PPP2R2B: variants seen among roughly 807,000 people sequenced by gnomAD.
The protein encoded by PPP2R2B is serine/threonine-protein phosphatase 2A 55 kDa regulatory subunit B beta isoform.
Under a neutral mutation model 46.0 loss-of-function variants are expected in PPP2R2B, and 5 were observed. The ratio of observed to expected loss-of-function variants is 0.11; its 90% CI spans 0.06 to 0.23. The LOEUF is 0.23. Ranked by LOEUF, PPP2R2B falls within the 10% of genes least tolerant of loss-of-function variation. The pLI is 1.00. For missense variants in PPP2R2B, 367 were observed against 575.0 expected (o/e 0.64, Z 3.70); for synonymous variants, 215 against 206.7 (o/e 1.04, Z -0.34).
chr5:146,920,991 T>G (rs189740420), intron 1 of PPP2R2B, among the ~76,000 whole-genome samples: 3 of 152,242 alleles, frequency 2.0e-5, no homozygotes, highest in Admixed American at 1.3e-4. Context: ...CATTTCTGCC[T>G]GGGCAGACCA....
chr5:146,695,681 T>C (rs901650883), intron 4 of PPP2R2B, among the ~76,000 whole-genome samples: 4 of 152,188 alleles, frequency 2.6e-5, no homozygotes, highest in African/African-American at 9.7e-5. Context: ...AAGGAACATG[T>C]GGCTGTTAAT....
intron 3 of PPP2R2B, among the ~76,000 whole-genome samples, 173 bp from the exon 4 acceptor site, chr5:146,698,317 A>AAATAT (rs1250416449): frequency 1.1e-4 from 9 of 85,650 alleles, no homozygotes; most frequent in Non-Finnish European, 1.4e-4. Context: ...AAAAAAAAAA[A>AAATAT]ATATATATAT....
chr5:146,942,928 G>A (rs908009885), intron 1 of PPP2R2B, among the ~76,000 whole-genome samples: 6 of 151,928 alleles, frequency 3.9e-5, no homozygotes, highest in African/African-American at 1.5e-4. Flanking sequence ...CTCCCGAGTA[G>A]CTGGGACTAC....
At chr5:146,809,880 T>C (rs1445566411) in intron 2 of PPP2R2B, among the ~76,000 whole-genome samples, 1 of 152,058 alleles carries the variant, frequency 6.6e-6, no homozygotes, top group African/African-American at 2.4e-5. Flanking sequence ...AGGTGGGAAA[T>C]GGCAGTGGCT....
intron 2 of PPP2R2B, among the ~76,000 whole-genome samples, chr5:146,777,950 A>G (rs182675840): frequency 1.4e-3 from 217 of 152,316 alleles, no homozygotes; most frequent in Non-Finnish European, 2.0e-3. Flanking sequence ...AAAAAATTGT[A>G]TGGTAGCCCA....
At chr5:146,595,606 T>C (rs888789648) in intron 8 of PPP2R2B, among the ~76,000 whole-genome samples, 1 of 152,188 alleles carries the variant, frequency 6.6e-6, no homozygotes. Flanking sequence ...AGCTCCTATC[T>C]GCCTCCAATT....
intron 8 of PPP2R2B, among the ~76,000 whole-genome samples, chr5:146,593,732 T>G (rs1251757446): frequency 1.3e-5 from 2 of 152,080 alleles, no homozygotes; most frequent in Non-Finnish European, 2.9e-5. Flanking sequence ...CATAAAGGCC[T>G]AGAGGCAGGA....
intron 7 of PPP2R2B, among the ~76,000 whole-genome samples, chr5:146,602,893 G>A (rs1486962551): frequency 6.6e-6 from 1 of 152,122 alleles, no homozygotes; most frequent in Non-Finnish European, 1.5e-5. Flanking sequence ...TCATAGTTGA[G>A]AACTAGATAG....
chr5:146,804,596 T>G (rs1374371712), intron 2 of PPP2R2B, among the ~76,000 whole-genome samples: 4 of 152,122 alleles, frequency 2.6e-5, no homozygotes, highest in Non-Finnish European at 5.9e-5. Context: ...ACTCTTCTGA[T>G]GTTGTTTAGA....
chr5:146,960,199 G>A (rs1752105618), intron 1 of PPP2R2B, among the ~76,000 whole-genome samples: 1 of 152,118 alleles, frequency 6.6e-6, no homozygotes, highest in Non-Finnish European at 1.5e-5. Context: ...TGGCTCTATT[G>A]AGAGTATCCA....
intron 1 of PPP2R2B, among the ~76,000 whole-genome samples, chr5:146,888,250 C>T (rs548627467): frequency 6.6e-6 from 1 of 152,270 alleles, no homozygotes; most frequent in East Asian, 1.9e-4. Flanking sequence ...AGCAATATCA[C>T]CAGCAGCCAA....
chr5:146,661,350 A>G (rs1012474117), intron 5 of PPP2R2B, among the ~76,000 whole-genome samples: 3 of 152,230 alleles, frequency 2.0e-5, no homozygotes, highest in African/African-American at 7.2e-5. Context: ...GGGTGCATAG[A>G]AGAAACCAAG....
intron 1 of PPP2R2B, chr5:146,918,014 C>T (rs1384381004): frequency 6.6e-6 from 1 of 152,196 alleles, no homozygotes; most frequent in Admixed American, 6.6e-5. Flanking sequence ...GTAAGATGCC[C>T]CCTCACACTC....
chr5:146,673,494 A>G, intron 5 of PPP2R2B, among the ~76,000 whole-genome samples: 1 of 147,108 alleles, frequency 6.8e-6, no homozygotes, highest in African/African-American at 2.5e-5. Flanking sequence ...TTTTTTTTTT[A>G]TTGCTACTAG....
At chr5:146,891,390 G>C (rs1210395650) in intron 1 of PPP2R2B, among the ~76,000 whole-genome samples, 1 of 152,180 alleles carries the variant, frequency 6.6e-6, no homozygotes, top group Non-Finnish European at 1.5e-5. Context: ...TTAGGTGTTG[G>C]ATACTGTCAT....
chr5:146,852,901 T>C (rs1383651472), intron 2 of PPP2R2B, among the ~76,000 whole-genome samples: 1 of 152,110 alleles, frequency 6.6e-6, no homozygotes, highest in Non-Finnish European at 1.5e-5. Context: ...CCTGATAATC[T>C]AGAATTTTTA....
chr5:146,709,116 T>C (rs1006738213), intron 2 of PPP2R2B, among the ~76,000 whole-genome samples: 1 of 152,230 alleles, frequency 6.6e-6, no homozygotes, highest in Admixed American at 6.5e-5. Flanking sequence ...GGATACTGAA[T>C]ATTCTTCCTT....
intron 1 of PPP2R2B, among the ~76,000 whole-genome samples, chr5:146,994,254 A>G (rs1473738885): frequency 6.6e-6 from 1 of 152,148 alleles, no homozygotes; most frequent in Non-Finnish European, 1.5e-5. Flanking sequence ...GGAACTGGGG[A>G]CAAGGGTGAA....
Position 146,589,817 on chromosome 5 carries a change from A to T in PPP2R2B, c.*130T>A. 1 of 1,023,714 alleles carries T rather than the reference A, an allele frequency of 9.8e-7. No homozygotes were observed. The highest frequency in any genetic ancestry group is 1.4e-6 in the Non-Finnish European group (1 of 700,612). 63.4% of individuals were successfully genotyped at this position (1,023,714 alleles called of 1,614,324 possible). A position where few individuals can be genotyped will look rare whatever the true frequency, so the allele number is the denominator to read the frequency against. ...GAGCTGGGAATGTTGGACTCCTTTTAATTCTATTCCAATCATTTCCTGTAT... is the reference window on the plus strand; with the variant it reads ...GAGCTGGGAATGTTGGACTCCTTTTTATTCTATTCCAATCATTTCCTGTAT... On this transcript the variant is annotated 3_prime_UTR_variant, in exon 10 of 10. Coordinates refer to ENST00000394411, the MANE Select transcript of PPP2R2B (RefSeq NM_181675.4).
Sources: allele counts gnomAD v4.1 joint callset (sites outside exome capture counted in the v4.1 genomes callset), GRCh38; gene constraint gnomAD v4.1.1; transcripts MANE v1.5; gene names NCBI Gene and HGNC (gene_info 2026-07-23, HGNC 2026-07-21).